CCDC158: variants seen among roughly 807,000 people sequenced by gnomAD.
CCDC158 encodes the protein coiled-coil domain containing 158.
A neutral mutation model predicts 138.6 loss-of-function variants in CCDC158; 116 were observed. The ratio of observed to expected loss-of-function variants is 0.84; its 90% confidence interval spans 0.72 to 0.98. CCDC158 has a LOEUF of 0.98. Among genes scored for constraint, CCDC158 ranks in the 50% least tolerant of loss-of-function variants. CCDC158 has a pLI of 0.00. For synonymous variants in CCDC158, 436 were observed against 442.4 expected, an observed-to-expected ratio of 0.99 and a Z score of 0.18; for missense variants, 1,265 against 1,306.1, an observed-to-expected ratio of 0.97 and a Z score of 0.48.
chr4:76,412,463 A>T (rs182785922), intron 1 of CCDC158, among the ~76,000 whole-genome samples: 3 of 152,272 alleles, frequency 2.0e-5, no homozygotes, highest in East Asian at 3.9e-4. Flanking sequence ...AAATTTTTTT[A>T]AAAATAGCCT....
intron 19 of CCDC158, 53 bp downstream of exon 19, chr4:76,333,957 T>C (rs1721228444): frequency 7.3e-7 from 1 of 1,369,896 alleles, no homozygotes; most frequent in East Asian, 2.4e-5. Flanking sequence ...AATAACTCAA[T>C]GGCAAACCAT....
rs1726018327 is a variant in CCDC158, at chr4:76,379,418, A to G, written c.915-14T>C. 1.3e-6 allele frequency: 2 copies of G among 1,539,084 alleles called. No homozygotes were observed. Among genetic ancestry groups the G allele is most frequent in the South Asian group, 2.4e-5 (2 of 81,994 alleles). ...CTTGCTTGCTCTCTAAGAAGAGTTT[A>G]GAAGGGGAATAAGTGCAAATAGCAA... is the stretch of plus-strand genomic sequence containing the variant. On this transcript the variant is annotated splice_polypyrimidine_tract_variant and intron_variant, in intron 8 of 24. Coordinates refer to ENST00000682701, the MANE Select transcript of CCDC158 (RefSeq NM_001394954.1).
At chr4:76,325,808 C>A in intron 23 of CCDC158, 49 bp downstream of exon 23, 2 of 1,510,788 alleles carry the variant, frequency 1.3e-6, no homozygotes, top group South Asian at 1.2e-5. Context: ...TACAGTTCAG[C>A]AGTGTAGGAA....
Position 76,415,862 on chromosome 4 carries a change from C to T in CCDC158, c.-116-3730G>A, listed in dbSNP as rs935659528. 1.6e-4 allele frequency among the ~76,000 whole-genome samples: 24 copies of T among 152,084 alleles called. 1 individual carries two copies. The highest frequency in any genetic ancestry group is 8.3e-4 in the South Asian group (4 of 4,818). On this transcript the variant is annotated intron_variant, in intron 1 of 24. Coordinates refer to ENST00000682701, the MANE Select transcript of CCDC158 (RefSeq NM_001394954.1). ...AGCGTCAGTGTCAAGGAAAAATACC[C>T]GCTACTTAGCAGACCGGGAAAGGGA...
At chr4:76,326,386 A>G (rs1720533688) in intron 22 of CCDC158, among the ~76,000 whole-genome samples, 2 of 152,210 alleles carry the variant, frequency 1.3e-5, no homozygotes, top group Admixed American at 6.5e-5. Flanking sequence ...ATGTCATACA[A>G]TAAAAATAAC....
chr4:76,383,394 C>T (rs1164515361), intron 7 of CCDC158, among the ~76,000 whole-genome samples: 1 of 152,120 alleles, frequency 6.6e-6, no homozygotes, highest in East Asian at 1.9e-4. Context: ...GCTATAAATC[C>T]CCATTTGGCC....
intron 11 of CCDC158, among the ~76,000 whole-genome samples, chr4:76,368,166 C>T (rs1311485862): frequency 1.3e-5 from 2 of 152,122 alleles, no homozygotes; most frequent in Admixed American, 6.5e-5. Flanking sequence ...CAACGGTGTT[C>T]TAGAGTGCAG....
intron 3 of CCDC158, 126 bp from the exon 4 acceptor site, chr4:76,396,612 G>A: frequency 1.6e-6 from 1 of 636,900 alleles, no homozygotes; most frequent in Non-Finnish European, 2.7e-6. Context: ...CCGGGTTCAA[G>A]CAATTCTCCT....
chr4:76,326,239 C>T (rs1291297970), intron 22 of CCDC158, among the ~76,000 whole-genome samples: 10 of 152,108 alleles, frequency 6.6e-5, no homozygotes, highest in African/African-American at 2.4e-4. Flanking sequence ...TGAGGTCTAG[C>T]TTCAAATCCT....
chr4:76,355,472 T>A (rs746420831), intron 14 of CCDC158, 36 bp from the exon 15 acceptor site: 1 of 1,366,964 alleles, frequency 7.3e-7, no homozygotes, highest in Admixed American at 1.7e-5. Flanking sequence ...TGCCTTAGGT[T>A]CTTAAGTTTG....
rs1271934512 is a variant in CCDC158 at position 76,357,546 on chromosome 4, A to G, written c.2021-20T>C. 1.4e-6 allele frequency: 2 copies of G among 1,421,120 alleles called. No homozygotes were observed. Among genetic ancestry groups the G allele is most frequent in the East Asian group, 2.5e-5 (1 of 40,504 alleles). The allele number at this position is 1,421,120 out of a possible 1,614,324, so 88.0% of individuals were successfully genotyped here. On this transcript the variant is annotated intron_variant, in intron 13 of 24. Coordinates refer to ENST00000682701, the MANE Select transcript of CCDC158 (RefSeq NM_001394954.1). The stretch of plus-strand genomic sequence containing the variant: ...ACTCCTCTATACAATGTGATAATCA[A>G]TAATAGATGGTTACTTTTTTCTATC...
At chr4:76,363,543 T>C (rs1442927274) in intron 12 of CCDC158, among the ~76,000 whole-genome samples, 1 of 152,150 alleles carries the variant, frequency 6.6e-6, no homozygotes, top group Non-Finnish European at 1.5e-5. Context: ...GCCTCTCTGA[T>C]GATGTAACAT....
At chr4:76,412,803 C>A (rs1042638346) in intron 1 of CCDC158, among the ~76,000 whole-genome samples, 4 of 152,136 alleles carry the variant, frequency 2.6e-5, no homozygotes, top group Admixed American at 2.0e-4. Flanking sequence ...GTTTTTACAA[C>A]AAAATGTGTT....
chr4:76,378,215 G>T (rs902006388), intron 9 of CCDC158, among the ~76,000 whole-genome samples: 5 of 152,204 alleles, frequency 3.3e-5, no homozygotes, highest in African/African-American at 9.7e-5. Context: ...AGTGATAGCG[G>T]TAATTAAAAT....
intron 18 of CCDC158, among the ~76,000 whole-genome samples, chr4:76,335,033 TCC>T (rs1721349850): frequency 6.6e-6 from 1 of 152,190 alleles, no homozygotes. Flanking sequence ...ATATGAGAGT[TCC>T]AACTCACTGA....
At chr4:76,387,451 C>T (rs1446185794) in intron 4 of CCDC158, among the ~76,000 whole-genome samples, 1 of 152,098 alleles carries the variant, frequency 6.6e-6, no homozygotes, top group Admixed American at 6.5e-5. Flanking sequence ...CTTTGAGAAG[C>T]TGAGGTAGGC....
chr4:76,403,140 C>A lies in CCDC158; in HGVS notation c.68G>T (p.Gly23Val). ...TTTGTTTTATAAACAGCACATACCT[C>A]CATTAGATGTGACACCACTACTTGA... ...LLSSSGVTSNGGSSSSFFVSS... is the reference protein window; with the variant it reads ...LLSSSGVTSNVGSSSSFFVSS... The change falls in exon 3 of 25, where the codon GGA becomes GTA. Residue 23 changes from glycine to valine, a missense_variant and splice_region_variant. By Grantham distance (109) the Gly-to-Val change is moderately radical. Transcript: ENST00000682701. 3 of 1,601,514 alleles carry A rather than the reference C, an allele frequency of 1.9e-6. No individual in the cohort carries two copies. The highest frequency in any genetic ancestry group is 2.6e-6 in the Non-Finnish European group (3 of 1,172,536).
At chr4:76,378,587 T>A (rs979227311) in intron 9 of CCDC158, among the ~76,000 whole-genome samples, 2 of 152,210 alleles carry the variant, frequency 1.3e-5, no homozygotes, top group East Asian at 3.9e-4. Context: ...GCAAGCCGCC[T>A]TGGGTGATCA....
intron 8 of CCDC158, among the ~76,000 whole-genome samples, 165 bp downstream of exon 8, chr4:76,382,442 ACAG>A (rs200238541): frequency 0.014 from 2,079 of 147,856 alleles, 47 homozygotes; most frequent in African/African-American, 0.052. Context: ...TGGTCAGATA[ACAG>A]TACCTATGTT....
Sources: allele counts gnomAD v4.1 joint callset (sites outside exome capture counted in the v4.1 genomes callset), GRCh38; gene constraint gnomAD v4.1.1; transcripts MANE v1.5; gene names NCBI Gene and HGNC (gene_info 2026-07-23, HGNC 2026-07-21).